The following ATOSA variants were observed in gnomAD, a reference collection of about 807,000 sequenced individuals.
ATOSA encodes the protein atos homolog protein A.
chr15:52,693,790 A>T, the ATOSA span, among the ~76,000 whole-genome samples: 2 of 152,334 alleles, frequency 1.3e-5, no homozygotes, highest in South Asian at 4.1e-4. Flanking sequence ...CTAGAATTAC[A>T]CTTGGCACAG....
chr15:52,651,764 A>G, the ATOSA span: 3 of 1,104,684 alleles, frequency 2.7e-6, no homozygotes, highest in South Asian at 4.2e-5. Context: ...TCCTAGACCT[A>G]TTTATTAAAA....
At chr15:52,658,715 C>T in the ATOSA span, 1 of 348,520 alleles carries the variant, frequency 2.9e-6, no homozygotes, top group Non-Finnish European at 5.0e-6. Context: ...CTTGTAATTC[C>T]AGACTTTAGG....
At chr15:52,679,029 G>C in the ATOSA span, 1 of 152,690 alleles carries the variant, frequency 6.5e-6, no homozygotes, top group Non-Finnish European at 1.5e-5. Context: ...CCCAGGCTCC[G>C]AGAGGCGCAG....
chr15:52,624,660 A>G, the ATOSA span, among the ~76,000 whole-genome samples: 1 of 152,228 alleles, frequency 6.6e-6, no homozygotes, highest in Non-Finnish European at 1.5e-5. Flanking sequence ...TCATTTCTTT[A>G]GAATATTCTT....
chr15:52,611,047 CTATT>C, the ATOSA span: 1 of 1,409,716 alleles, frequency 7.1e-7, no homozygotes, highest in Non-Finnish European at 9.5e-7. Context: ...AGGAAATAAT[CTATT>C]TAAAAGGTAA....
the ATOSA span, among the ~76,000 whole-genome samples, chr15:52,606,718 AC>A: frequency 6.6e-6 from 1 of 152,196 alleles, no homozygotes; most frequent in Non-Finnish European, 1.5e-5. Context: ...TGACAATTAT[AC>A]TTTTAGAAAA....
At chr15:52,618,736 G>A in the ATOSA span, among the ~76,000 whole-genome samples, 1 of 152,148 alleles carries the variant, frequency 6.6e-6, no homozygotes, top group Non-Finnish European at 1.5e-5. Flanking sequence ...CCAGGTTGGA[G>A]TGCAGTGGCG....
chr15:52,601,481 T>C, the ATOSA span, among the ~76,000 whole-genome samples: 1 of 150,680 alleles, frequency 6.6e-6, no homozygotes, highest in Non-Finnish European at 1.5e-5. Flanking sequence ...CTTTTTTGTA[T>C]ACTTCTCTAT....
the ATOSA span, among the ~76,000 whole-genome samples, chr15:52,603,418 G>C: frequency 6.6e-6 from 1 of 152,088 alleles, no homozygotes; most frequent in Non-Finnish European, 1.5e-5. Flanking sequence ...GAAGACTATG[G>C]AAGTTCCTCA....
the ATOSA span, among the ~76,000 whole-genome samples, chr15:52,650,103 T>C: frequency 1.0e-3 from 158 of 152,328 alleles, no homozygotes; most frequent in Middle Eastern, 3.4e-3. Context: ...GAAAATAAAA[T>C]TAGTAATTCA....
chr15:52,585,533 GCTCA>G, the ATOSA span, among the ~76,000 whole-genome samples: 5 of 152,000 alleles, frequency 3.3e-5, no homozygotes, highest in African/African-American at 7.2e-5. Context: ...AGAAAACAAA[GCTCA>G]CTATTATTAA....
At chr15:52,672,315 C>T in the ATOSA span, among the ~76,000 whole-genome samples, 1 of 151,708 alleles carries the variant, frequency 6.6e-6, no homozygotes, top group Non-Finnish European at 1.5e-5. Context: ...CATCACTGTA[C>T]TCCAGTCTGA....
chr15:52,664,142 A>G, the ATOSA span, among the ~76,000 whole-genome samples: 7 of 152,228 alleles, frequency 4.6e-5, no homozygotes, highest in African/African-American at 1.4e-4. Flanking sequence ...AGTCCTTACT[A>G]AAGTAGGAAA....
At chr15:52,617,818 TATA>T in the ATOSA span, among the ~76,000 whole-genome samples, 4 of 149,298 alleles carry the variant, frequency 2.7e-5, no homozygotes, top group African/African-American at 9.8e-5. Context: ...CTAATTTATA[TATA>T]ATAATAAAAG....
the ATOSA span, among the ~76,000 whole-genome samples, chr15:52,683,016 C>T: frequency 0.019 from 2,817 of 152,208 alleles, 96 homozygotes; most frequent in African/African-American, 0.065. Context: ...AAAATGTATT[C>T]TTTCTGGTCC....
chr15:52,584,672 C>A, the ATOSA span: 1 of 1,303,236 alleles, frequency 7.7e-7, no homozygotes, highest in Non-Finnish European at 1.1e-6. Flanking sequence ...GTTAGAGTCA[C>A]AGTTTAAAAA....
chr15:52,697,324 C>A, the ATOSA span, among the ~76,000 whole-genome samples: 1 of 152,196 alleles, frequency 6.6e-6, no homozygotes, highest in Non-Finnish European at 1.5e-5. Context: ...TCTCCCTCAT[C>A]CTTGCTTCTG....
At chr15:52,656,410 A>G in the ATOSA span, 1 of 152,254 alleles carries the variant, frequency 6.6e-6, no homozygotes, top group African/African-American at 2.4e-5. Context: ...TGCATTCATT[A>G]TAACAAGGTA....
the ATOSA span, among the ~76,000 whole-genome samples, chr15:52,620,241 A>T: frequency 6.6e-6 from 1 of 152,352 alleles, no homozygotes; most frequent in South Asian, 2.1e-4. Flanking sequence ...AGTTTGATAA[A>T]CACTTGCCAG....
Sources: allele counts gnomAD v4.1 joint callset (sites outside exome capture counted in the v4.1 genomes callset), GRCh38; gene constraint gnomAD v4.1.1; transcripts MANE v1.5; gene names NCBI Gene and HGNC (gene_info 2026-07-23, HGNC 2026-07-21).